ZMYND19: variants seen among roughly 807,000 people sequenced by gnomAD.
The protein encoded by ZMYND19 is zinc finger MYND domain-containing protein 19.
ZMYND19 carries 17 observed loss-of-function variants against 32.0 expected under a neutral mutation model. The ratio of observed to expected loss-of-function variants is 0.53; its 90% CI spans 0.36 to 0.80. The LOEUF (loss-of-function observed/expected upper bound fraction) is 0.80, where lower values mean the gene tolerates loss of function less well. Among genes scored for constraint, ZMYND19 ranks in the 30% least tolerant of loss-of-function variants. ZMYND19 has a pLI of 0.00. For synonymous variants in ZMYND19, 124 were observed against 113.6 expected, an observed-to-expected ratio of 1.09 and a Z score of -0.58; for missense variants, 250 against 293.6, an observed-to-expected ratio of 0.85 and a Z score of 1.09.
At chr9:137,587,234 T>C in intron 3 of ZMYND19, 127 bp from the exon 4 acceptor site, 5 of 1,427,898 alleles carry the variant, frequency 3.5e-6, no homozygotes, top group Non-Finnish European at 4.7e-6. Context: ...ATCGGGCCCC[T>C]GGTCCTTTGG....
rs1373970063 is a variant in ZMYND19 at position 137,587,681 on chromosome 9, A to G, written c.218+36T>C. On this transcript the variant is annotated intron_variant, in intron 3 of 5. Transcript: ENST00000298585. ...GCCATCGGAGCTCACCCAGGAGCCC[A>G]GTGGCGGGGGGCAGAGACAGCTTGG... 1.9e-6 allele frequency: 3 copies of G among 1,592,890 alleles called. No individual in the cohort carries two copies. The Admixed American group carries it at 5.0e-5, about 27-fold the overall frequency.
At chr9:137,583,941 G>C (rs972639427) in intron 4 of ZMYND19, among the ~76,000 whole-genome samples, 1 of 152,046 alleles carries the variant, frequency 6.6e-6, no homozygotes. Context: ...GCCTGACAAA[G>C]ACAGGGTGAC....
Position 137,590,302 on chromosome 9 carries a change from C to CG in ZMYND19, c.-40dup. ...CTCTCGGCCGGCAGCGCCGCTCCCT[C>CG]GGGAGGCGCCGAGCGGGGGCCGGGG... On this transcript the variant is annotated 5_prime_UTR_variant, in exon 1 of 6. Transcript: ENST00000298585. This position sits in a 1 kb window ranked among gnomAD's most constrained non-coding sequence, Gnocchi z 4.2. The CG allele has an allele frequency of 9.7e-7, 1 of 1,034,338 alleles. No homozygotes were observed. Among genetic ancestry groups the CG allele is most frequent in the Non-Finnish European group, 1.2e-6 (1 of 862,348 alleles). 64.1% of individuals were successfully genotyped at this position (1,034,338 alleles called of 1,614,324 possible).
Position 137,588,600 on chromosome 9 carries a change from G to A in ZMYND19, c.111+59C>T, listed in dbSNP as rs376062315. The stretch of plus-strand genomic sequence containing the variant: ...GCACAGGGGAGAGAGCTCGTTCCTC[G>A]TGACCCTCCTGGGCACTGACCACGA... On this transcript the variant is annotated intron_variant, in intron 2 of 5. Transcript: ENST00000298585. The A allele has an allele frequency of 1.4e-5, 22 of 1,588,470 alleles. No homozygotes were observed. In the South Asian group the frequency reaches 1.7e-4, roughly 12 times the overall value.
In ZMYND19 at chr9:137,590,268, G is replaced by C. The variant is rs1217616580; in HGVS notation, c.-5C>G. 4 of 1,098,212 alleles carry C rather than the reference G, an allele frequency of 3.6e-6. No individual in the cohort carries two copies. Among genetic ancestry groups the C allele is most frequent in the African/African-American group, 3.4e-5 (2 of 58,726 alleles). The allele number at this position is 1,098,212 out of a possible 1,614,324, so 68.0% of individuals were successfully genotyped here. A position where few individuals can be genotyped will look rare whatever the true frequency, so the allele number is the denominator to read the frequency against. The stretch of plus-strand genomic sequence containing the variant: ...ACCCAATTTGAAGTCGGTCATGGCC[G>C]GGCCTGCGCTCTCGGCCGGCAGCGC... On this transcript the variant is annotated 5_prime_UTR_variant, in exon 1 of 6. Transcript: ENST00000298585. The surrounding 1 kb of genome is among the most constrained non-coding windows in gnomAD (Gnocchi z 4.2).
In ZMYND19 at chr9:137,587,818, T is replaced by C; in HGVS notation, c.117A>G (p.Arg39=). The part of the protein sequence containing the change: ...PLVESYSFEA[R]MEVDADGNGA... ...CATTTCCATCTGCATCCACTTCCAT[T>C]CGGGCCTGAGAAGGAACAAGGGAAA... is the stretch of plus-strand genomic sequence containing the variant. Residue 39 remains arginine, a synonymous_variant, in exon 3 of 6, where the codon CGA becomes CGG. Coordinates refer to ENST00000298585, the MANE Select transcript of ZMYND19 (RefSeq NM_138462.3). The C allele has an allele frequency of 1.2e-6, 2 of 1,614,038 alleles. No homozygotes were observed. Among genetic ancestry groups the C allele is most frequent in the Non-Finnish European group, 1.7e-6 (2 of 1,179,966 alleles).
intron 3 of ZMYND19, 147 bp from the exon 4 acceptor site, chr9:137,587,254 C>T (rs1459837425): frequency 3.7e-6 from 5 of 1,340,382 alleles, no homozygotes; most frequent in South Asian, 2.9e-5. Flanking sequence ...GATGAGGGTA[C>T]CTCAGGCGGA....
intron 1 of ZMYND19, chr9:137,589,243 C>T (rs1285502718): frequency 4.1e-6 from 3 of 740,176 alleles, no homozygotes; most frequent in East Asian, 2.6e-4. Flanking sequence ...CTCTGGTCTC[C>T]GACCTGACTG....
At chr9:137,585,541 G>A (rs1842194840) in intron 4 of ZMYND19, among the ~76,000 whole-genome samples, 1 of 151,942 alleles carries the variant, frequency 6.6e-6, no homozygotes, top group African/African-American at 2.4e-5. Context: ...AAACAGAGCA[G>A]GGAAAAAAAA....
chr9:137,586,397 G>C (rs1023696393), intron 4 of ZMYND19, among the ~76,000 whole-genome samples: 2 of 149,948 alleles, frequency 1.3e-5, no homozygotes, highest in Non-Finnish European at 3.0e-5. Context: ...GGAATCCTGA[G>C]GTGAGGAGAG....
intron 4 of ZMYND19, among the ~76,000 whole-genome samples, chr9:137,585,414 C>CAAAAAAA (rs143309893): frequency 3.4e-4 from 29 of 84,658 alleles, no homozygotes; most frequent in African/African-American, 1.1e-3. Flanking sequence ...GACTCCGTCT[C>CAAAAAAA]AAAAAAAAAA....
chr9:137,586,706 C>T (rs566352246), intron 4 of ZMYND19, among the ~76,000 whole-genome samples: 1 of 152,354 alleles, frequency 6.6e-6, no homozygotes, highest in African/African-American at 2.4e-5. Flanking sequence ...CTTCTCCCCA[C>T]TGTCATGCCA....
chr9:137,586,322 CA>C (rs1418477205), intron 4 of ZMYND19, among the ~76,000 whole-genome samples: 1 of 121,314 alleles, frequency 8.2e-6, no homozygotes, highest in East Asian at 2.4e-4. Context: ...CTGAGGTGAG[CA>C]GAGAAGGAAG....
chr9:137,589,663 C>A (rs1842247822), intron 1 of ZMYND19: 1 of 985,494 alleles, frequency 1.0e-6, no homozygotes, highest in African/African-American at 1.7e-5. Context: ...TTCCTCTCTG[C>A]TCCGAGTCTG....
At chr9:137,589,958 TCC>T (rs1842252517) in intron 1 of ZMYND19, 1 of 985,072 alleles carries the variant, frequency 1.0e-6, no homozygotes, top group African/African-American at 1.7e-5. Context: ...GGCCGTGGCC[TCC>T]ACCTCCGGCA....
At chr9:137,588,151 G>A (rs1216848845) in intron 2 of ZMYND19, among the ~76,000 whole-genome samples, 1 of 152,240 alleles carries the variant, frequency 6.6e-6, no homozygotes, top group Non-Finnish European at 1.5e-5. Flanking sequence ...TCACTACTGT[G>A]AATGTGTGGG....
In ZMYND19 at chr9:137,582,578, G is replaced by A. The variant is rs1432686570; in HGVS notation, c.649C>T (p.Arg217Cys). Residue 217 changes from arginine (R) to cysteine (C), a missense_variant, in exon 6 of 6, where the codon CGT becomes TGT. Arg to Cys is a radical substitution (Grantham distance 180). Transcript: ENST00000298585. ...GGCTCAAGCTCATGCTGGAAGGGAC[G>A]CTTCCTCTCCCGACAGTGCTTCTTG... ...AHKKHCRERK[R>C]PFQHELEPER is the part of the protein sequence containing the mutation. The A allele has an allele frequency of 5.6e-6, 9 of 1,613,306 alleles. No homozygotes were observed. Among genetic ancestry groups the A allele is most frequent in the Admixed American group, 1.7e-5 (1 of 60,018 alleles).
chr9:137,590,123 C>T lies in ZMYND19; in HGVS notation c.51+90G>A, dbSNP rs1443510939. 2.0e-6 allele frequency: 2 copies of T among 982,700 alleles called. No individual in the cohort carries two copies. The highest frequency in any genetic ancestry group is 2.4e-6 in the Non-Finnish European group (2 of 829,130). 60.9% of individuals were successfully genotyped at this position (982,700 alleles called of 1,614,324 possible). A position where few individuals can be genotyped will look rare whatever the true frequency, so the allele number is the denominator to read the frequency against. ...GCCCATCCCGGGCTCCGCGCCCCCG[C>T]CCCGGCCGCCGCCCGCACAACCGCC... On this transcript the variant is annotated intron_variant, in intron 1 of 5. Coordinates refer to ENST00000298585, the MANE Select transcript of ZMYND19 (RefSeq NM_138462.3). This position sits in a 1 kb window ranked among gnomAD's most constrained non-coding sequence, Gnocchi z 4.2.
rs1374003529 is a variant in ZMYND19, at chr9:137,582,314, T to C, written c.*229A>G. ...ATGAGTTTACAAACATATTAACATA[T>C]AAATAATGAGAACCGTCCTGGTGGG... On this transcript the variant is annotated 3_prime_UTR_variant, in exon 6 of 6. Transcript: ENST00000298585. 1.1e-5 allele frequency: 6 copies of C among 524,892 alleles called. No homozygotes were observed. Among genetic ancestry groups the C allele is most frequent in the African/African-American group, 5.8e-5 (3 of 51,836 alleles). 32.5% of individuals were successfully genotyped at this position (524,892 alleles called of 1,614,324 possible).
Sources: gnomAD v4.1 joint callset for allele counts (sites outside exome capture counted in the v4.1 genomes callset) on GRCh38, gnomAD v4.1.1 for gene constraint, Gnocchi (gnomAD v3.1) non-coding constraint, MANE v1.5 for transcripts, NCBI Gene and HGNC (gene_info 2026-07-23, HGNC 2026-07-21) for gene names.